Variants in TRIM77 observed in about 807,000 individuals in gnomAD.
TRIM77 encodes tripartite motif containing 77.
A neutral mutation model predicts 31.8 loss-of-function variants in TRIM77; 23 were observed. That is an observed-to-expected ratio of 0.72 (90% CI 0.52 to 1.02). The LOEUF (loss-of-function observed/expected upper bound fraction) is 1.02, where lower values mean the gene tolerates loss of function less well. Among genes scored for constraint, TRIM77 ranks in the 50% least tolerant of loss-of-function variants. The pLI is 0.00. For synonymous variants in TRIM77, 159 were observed against 183.1 expected (o/e 0.87, Z 1.06); for missense variants, 446 against 539.2 (o/e 0.83, Z 1.71).
chr11:89,717,632 C>T lies in TRIM77; in HGVS notation c.1113C>T (p.Asp371=), dbSNP rs1949171488. ...AWTKRNDMRL[D]SEGIFLLLCL... ...CAAAGAGGAATGACATGCGACTTGA[C>T]TCTGAGGGTATCTTTCTACTCCTGT... Residue 371 remains aspartate, a synonymous_variant, in exon 6 of 6, where the codon GAC becomes GAT. Transcript: ENST00000398290. The T allele has an allele frequency of 1.3e-6, 2 of 1,551,312 alleles. No homozygotes were observed. The highest frequency in any genetic ancestry group is 1.7e-6 in the Non-Finnish European group (2 of 1,146,746).
intron 5 of TRIM77, among the ~76,000 whole-genome samples, chr11:89,716,345 C>T (rs2634263): frequency 4.9e-4 from 74 of 152,196 alleles, no homozygotes; most frequent in African/African-American, 1.6e-3. Context: ...TATATTTACA[C>T]GATCCAATTC....
In TRIM77 at chr11:89,715,987, G is replaced by A. The variant is rs1949158507; in HGVS notation, c.859G>A (p.Val287Met). The A allele has an allele frequency of 6.5e-7, 1 of 1,542,300 alleles. No individual in the cohort carries two copies. Among genetic ancestry groups the A allele is most frequent in the South Asian group, 1.2e-5 (1 of 83,212 alleles). The change falls in exon 5 of 6, where the codon GTG becomes ATG. Residue 287 changes from valine (V) to methionine (M), a missense_variant and splice_region_variant. Val to Met is a conservative substitution (Grantham distance 21). Around this residue, in one of 3 missense-constraint regions of TRIM77, gnomAD observed 366 missense variants for 447.9 expected, o/e 0.82. Transcript: ENST00000398290. ...GVSERLNFFRVYITLDRKICS... is the reference protein window; with the variant it reads ...GVSERLNFFRMYITLDRKICS... Reference sequence around the variant, plus strand: ...GTCAGAAAGGCTTAACTTCTTCAGAGGTAAGAGTGTGAACTGCACTAATGT... The same window carrying A: ...GTCAGAAAGGCTTAACTTCTTCAGAAGTAAGAGTGTGAACTGCACTAATGT...
rs183347472 is a variant in TRIM77, at chr11:89,711,716, G to T, written c.507+211G>T. On this transcript the variant is annotated intron_variant, in intron 2 of 5. Coordinates refer to ENST00000398290, the MANE Select transcript of TRIM77 (RefSeq NM_001146162.1). Reference sequence around the variant, plus strand: ...AAATATCCTGATTTTTCTGAATAAAGCAGTATCTACCAATAATACATCAGC... The same window carrying T: ...AAATATCCTGATTTTTCTGAATAAATCAGTATCTACCAATAATACATCAGC... Among the ~76,000 whole-genome samples, 169 of 152,194 alleles carry T rather than the reference G, an allele frequency of 1.1e-3. 1 individual carries two copies. The South Asian group carries it at 0.012, about 11-fold the overall frequency.
At position 89,717,674 on chromosome 11, in the gene TRIM77, C is replaced by A. The variant is rs1291528636; in HGVS notation, c.1155C>A (p.Asp385Glu). ...IFLLLCLKVD[D>E]HFSLFSTSPL... ...TACTCCTGTGTCTCAAAGTGGATGA[C>A]CATTTCAGTCTCTTCTCTACCTCCC... The change falls in exon 6 of 6, where the codon GAC becomes GAA. Residue 385 changes from aspartate to glutamate, a missense_variant. Physicochemically the swap from Asp to Glu is conservative, Grantham distance 45. Coordinates refer to ENST00000398290, the MANE Select transcript of TRIM77 (RefSeq NM_001146162.1). The A allele has an allele frequency of 7.1e-6, 11 of 1,551,134 alleles. No homozygotes were observed. Among genetic ancestry groups the A allele is most frequent in the Admixed American group, 2.0e-5 (1 of 50,950 alleles).
intron 3 of TRIM77, among the ~76,000 whole-genome samples, chr11:89,714,630 G>C (rs914863597): frequency 6.6e-6 from 1 of 152,118 alleles, no homozygotes; most frequent in African/African-American, 2.4e-5. Context: ...AAACTATTTG[G>C]AAAAGTTCTA....
chr11:89,716,382 G>A (rs7932516), intron 5 of TRIM77, among the ~76,000 whole-genome samples: 1,730 of 152,142 alleles, frequency 0.011, 25 homozygotes, highest in African/African-American at 0.038. Context: ...GTTGTTATTC[G>A]AATGTTTACC....
At chr11:89,712,495 G>A (rs1360721254) in intron 2 of TRIM77, among the ~76,000 whole-genome samples, 1 of 152,130 alleles carries the variant, frequency 6.6e-6, no homozygotes, top group Non-Finnish European at 1.5e-5. Context: ...GAAAAATAAA[G>A]CAGAGAATGG....
intron 2 of TRIM77, among the ~76,000 whole-genome samples, chr11:89,713,169 C>T (rs115172634): frequency 0.015 from 2,283 of 149,316 alleles, 51 homozygotes; most frequent in African/African-American, 0.053. Context: ...CTACTTAGGA[C>T]GCAGGCTGAG....
At position 89,711,260 on chromosome 11, in the gene TRIM77, C is replaced by T. The variant is rs1949119809; in HGVS notation, c.412-150C>T. 5 of 470,202 alleles carry T rather than the reference C, an allele frequency of 1.1e-5. No homozygotes were observed. In the East Asian group the frequency reaches 1.8e-4, roughly 17 times the overall value. 29.1% of individuals were successfully genotyped at this position (470,202 alleles called of 1,614,324 possible). A position where few individuals can be genotyped will look rare whatever the true frequency, so the allele number is the denominator to read the frequency against. On this transcript the variant is annotated intron_variant, in intron 1 of 5. Transcript: ENST00000398290. ...TCTACCTTTGGTTTCATTGACCTCTCGGACTTGACAATCAGTGCCCTTAAG... is the reference window on the plus strand; with the variant it reads ...TCTACCTTTGGTTTCATTGACCTCTTGGACTTGACAATCAGTGCCCTTAAG...
chr11:89,717,718 T>C lies in TRIM77; in HGVS notation c.1199T>C (p.Ile400Thr), dbSNP rs1431439163. 6.4e-7 allele frequency: 1 copy of C among 1,551,208 alleles called. No individual in the cohort carries two copies. The highest frequency in any genetic ancestry group is 2.4e-5 in the East Asian group (1 of 40,914). Reference protein sequence around the residue: ...FSTSPLLPHYIPRPQGWLGVF... With the variant: ...FSTSPLLPHYTPRPQGWLGVF... ...ACCTCCCCACTGTTACCTCACTATA[T>C]TCCAAGGCCCCAAGGCTGGCTAGGG... The change falls in exon 6 of 6, where the codon ATT (isoleucine) becomes ACT (threonine). Residue 400 changes from isoleucine (I) to threonine (T), a missense_variant. This residue lies in a region of TRIM77 where 366 missense variants were observed against 447.9 expected (regional missense o/e 0.82). Transcript: ENST00000398290.
intron 2 of TRIM77, among the ~76,000 whole-genome samples, chr11:89,713,819 T>C (rs868376192): frequency 1.3e-5 from 2 of 152,178 alleles, no homozygotes; most frequent in African/African-American, 2.4e-5. Context: ...CAATGTCTTA[T>C]GTTCTCTATT....
chr11:89,712,341 G>A (rs1288571512), intron 2 of TRIM77, among the ~76,000 whole-genome samples: 1 of 152,100 alleles, frequency 6.6e-6, no homozygotes, highest in Non-Finnish European at 1.5e-5. Flanking sequence ...GTTGCTTACT[G>A]CTGTAGCCCA....
Position 89,710,605 on chromosome 11 carries a change from A to T in TRIM77, c.307A>T (p.Ile103Phe), listed in dbSNP as rs1252939866. The T allele has an allele frequency of 1.3e-6, 2 of 1,551,362 alleles. No homozygotes were observed. Among genetic ancestry groups the T allele is most frequent in the Non-Finnish European group, 1.7e-6 (2 of 1,146,846 alleles). ...GAGACACCAGGAAATCAAGAACCTC[A>T]TCTGTGAAACTGATAGGAGCCTGCT... Reference protein sequence around the residue: ...CRRHQEIKNLICETDRSLLCF... With the variant: ...CRRHQEIKNLFCETDRSLLCF... The change falls in exon 1 of 6, where the codon ATC becomes TTC. Residue 103 changes from isoleucine to phenylalanine, a missense_variant. Coordinates refer to ENST00000398290, the MANE Select transcript of TRIM77 (RefSeq NM_001146162.1).
intron 3 of TRIM77, 25 bp downstream of exon 3, chr11:89,714,447 G>T: frequency 6.9e-7 from 1 of 1,459,216 alleles, no homozygotes; most frequent in Non-Finnish European, 9.4e-7. Context: ...AGATCAGGGT[G>T]CTGAACACCA....
Position 89,710,467 on chromosome 11 carries a change from GA to G in TRIM77, c.172del (p.Ile58TyrfsTer34). 2 of 1,551,656 alleles carry G rather than the reference GA, an allele frequency of 1.3e-6. No homozygotes were observed. The highest frequency in any genetic ancestry group is 1.7e-6 in the Non-Finnish European group (2 of 1,146,924). Reference sequence around the variant, plus strand: ...TCCTAATTGCTGCCCTGTGTGCAGGGAAATATCACAGCAAATGTACTTCAAA... The same window carrying G: ...TCCTAATTGCTGCCCTGTGTGCAGGGAATATCACAGCAAATGTACTTCAAA... Reference protein sequence around the residue: ...LTPNCCPVCREISQQMYFKRI... With the variant: ...LTPNCCPVCRXISQQMYFKRI... On this transcript the variant is annotated frameshift_variant, in exon 1 of 6. Coordinates refer to ENST00000398290, the MANE Select transcript of TRIM77 (RefSeq NM_001146162.1). LOFTEE classifies it high-confidence loss of function.
rs1949146356 is a variant in TRIM77 at position 89,714,292 on chromosome 11, G to T, written c.608G>T (p.Arg203Ile). The T allele has an allele frequency of 1.3e-6, 2 of 1,551,660 alleles. No homozygotes were observed. Among genetic ancestry groups the T allele is most frequent in the South Asian group, 2.4e-5 (2 of 84,052 alleles). ...CAAAAGCACGTAGAGAGCCTGGCAA[G>T]AGAAGGCAGGATAATTTTTCAGCAA... The part of the protein sequence containing the change: ...EEQKHVESLA[R>I]EGRIIFQQLK... Residue 203 changes from arginine (R) to isoleucine (I), a missense_variant, in exon 3 of 6, where the codon AGA becomes ATA. Around this residue, in one of 3 missense-constraint regions of TRIM77, gnomAD observed 366 missense variants for 447.9 expected, o/e 0.82. Transcript: ENST00000398290.
chr11:89,716,549 A>G (rs1949161888), intron 5 of TRIM77, among the ~76,000 whole-genome samples: 1 of 152,182 alleles, frequency 6.6e-6, no homozygotes, highest in Non-Finnish European at 1.5e-5. Flanking sequence ...ATGGAGGGTG[A>G]GTCTGGCATA....
At chr11:89,710,820 C>A (rs1949117563) in intron 1 of TRIM77, 111 bp downstream of exon 1, 2 of 952,142 alleles carry the variant, frequency 2.1e-6, no homozygotes, top group South Asian at 3.9e-5. Context: ...ATGCAATAAA[C>A]AAACAGAATT....
chr11:89,715,314 T>G (rs766060718), intron 4 of TRIM77, 134 bp downstream of exon 4: 10 of 790,536 alleles, frequency 1.3e-5, no homozygotes, highest in Non-Finnish European at 2.1e-5. Context: ...CATCCAGGCT[T>G]TATATATTGA....
Sources: gnomAD v4.1 joint callset for allele counts (sites outside exome capture counted in the v4.1 genomes callset) on GRCh38, gnomAD v4.1.1 for gene constraint, gnomAD v4.1.1 regional missense constraint, MANE v1.5 for transcripts, NCBI Gene and HGNC (gene_info 2026-07-23, HGNC 2026-07-21) for gene names.